Variants in GULP1 observed in about 807,000 individuals in gnomAD.
GULP1 encodes the protein PTB domain-containing engulfment adapter protein 1.
Under a neutral mutation model 40.9 loss-of-function variants are expected in GULP1, and 19 were observed. The ratio of observed to expected loss-of-function variants is 0.46; its 90% CI spans 0.32 to 0.68. The LOEUF (loss-of-function observed/expected upper bound fraction) is 0.68, where lower values mean the gene tolerates loss of function less well. Ranked by LOEUF, GULP1 falls within the 30% of genes least tolerant of loss-of-function variation. The pLI is 0.03. For synonymous variants in GULP1, 119 were observed against 117.6 expected (o/e 1.01, Z -0.08); for missense variants, 312 against 362.2 (o/e 0.86, Z 1.12).
intron 11 of GULP1, chr2:188,590,925 T>G (rs1199199414): frequency 6.6e-6 from 1 of 152,120 alleles, no homozygotes; most frequent in Non-Finnish European, 1.5e-5. Context: ...TCAGAAGTAA[T>G]CAACATTTTA....
intron 2 of GULP1, among the ~76,000 whole-genome samples, chr2:188,426,341 G>A (rs2056194129): frequency 6.6e-6 from 1 of 152,124 alleles, no homozygotes; most frequent in African/African-American, 2.4e-5. Flanking sequence ...TTATTATGTA[G>A]ATGAAGCTTC....
At chr2:188,590,355 A>T (rs552509947) in intron 11 of GULP1, 58 of 152,316 alleles carry the variant, frequency 3.8e-4, no homozygotes, top group African/African-American at 1.4e-3. Context: ...TCTAAAGTCT[A>T]TGATGGCTTT....
At chr2:188,390,912 A>AGATCAGTT (rs2050430976) in intron 2 of GULP1, among the ~76,000 whole-genome samples, 1 of 152,096 alleles carries the variant, frequency 6.6e-6, no homozygotes, top group African/African-American at 2.4e-5. Flanking sequence ...GCTTTGTCAA[A>AGATCAGTT]GATCAGTTGG....
intron 1 of GULP1, among the ~76,000 whole-genome samples, chr2:188,343,940 G>A (rs1384101412): frequency 6.6e-6 from 1 of 152,014 alleles, no homozygotes; most frequent in African/African-American, 2.4e-5. Context: ...ATAGCAAATA[G>A]CTGGGACTGT....
intron 6 of GULP1, among the ~76,000 whole-genome samples, chr2:188,533,277 A>G (rs190824663): frequency 8.3e-4 from 127 of 152,300 alleles, no homozygotes; most frequent in Admixed American, 2.2e-3. Flanking sequence ...GGGCTTAGAA[A>G]AAGTCTGTGG....
At chr2:188,369,997 C>T (rs1010322779) in intron 1 of GULP1, among the ~76,000 whole-genome samples, 4 of 152,138 alleles carry the variant, frequency 2.6e-5, no homozygotes, top group Admixed American at 2.6e-4. Context: ...TGTGTGCCAA[C>T]ACACCTGGTT....
At chr2:188,526,124 G>A (rs1376220704) in intron 5 of GULP1, among the ~76,000 whole-genome samples, 1 of 152,012 alleles carries the variant, frequency 6.6e-6, no homozygotes, top group Non-Finnish European at 1.5e-5. Context: ...ACTCAGTTGT[G>A]CTCCCTTTAA....
At chr2:188,434,376 T>A (rs1360933267) in intron 2 of GULP1, among the ~76,000 whole-genome samples, 1 of 151,792 alleles carries the variant, frequency 6.6e-6, no homozygotes, top group Admixed American at 6.6e-5. Context: ...AGAATATGTC[T>A]CCTTCTTGGT....
At chr2:188,449,338 A>AT (rs2058650238) in intron 2 of GULP1, among the ~76,000 whole-genome samples, 1 of 151,828 alleles carries the variant, frequency 6.6e-6, no homozygotes, top group African/African-American at 2.4e-5. Flanking sequence ...CTGTTTTACT[A>AT]TTTTTTCTTG....
At chr2:188,539,859 T>A (rs1269041602) in intron 6 of GULP1, among the ~76,000 whole-genome samples, 2 of 152,136 alleles carry the variant, frequency 1.3e-5, no homozygotes, top group Non-Finnish European at 2.9e-5. Context: ...GAAGTTTAAA[T>A]GTTTTCATAT....
At chr2:188,402,108 A>G (rs916336602) in intron 2 of GULP1, among the ~76,000 whole-genome samples, 1 of 152,138 alleles carries the variant, frequency 6.6e-6, no homozygotes, top group African/African-American at 2.4e-5. Flanking sequence ...AATGGATGAT[A>G]TGATGATGCG....
chr2:188,353,078 T>C (rs571017439), intron 1 of GULP1, among the ~76,000 whole-genome samples: 1 of 152,078 alleles, frequency 6.6e-6, no homozygotes, highest in South Asian at 2.1e-4. Flanking sequence ...CATGGGATAA[T>C]AAATAAGTAG....
intron 2 of GULP1, among the ~76,000 whole-genome samples, chr2:188,475,537 ATCT>A (rs2060942238): frequency 6.6e-6 from 1 of 151,910 alleles, no homozygotes; most frequent in Non-Finnish European, 1.5e-5. Flanking sequence ...ATATTTCACA[ATCT>A]TCTTTTGTTG....
chr2:188,412,536 A>G (rs1350635228), intron 2 of GULP1, among the ~76,000 whole-genome samples: 3 of 152,082 alleles, frequency 2.0e-5, no homozygotes, highest in African/African-American at 7.2e-5. Flanking sequence ...TTTCCCTCCC[A>G]TAACACCTGG....
intron 1 of GULP1, among the ~76,000 whole-genome samples, chr2:188,306,578 A>G (rs2037137729): frequency 6.6e-6 from 1 of 152,260 alleles, no homozygotes; most frequent in Non-Finnish European, 1.5e-5. Context: ...GCAGGAGGAG[A>G]GAATGTATGG....
intron 10 of GULP1, among the ~76,000 whole-genome samples, chr2:188,585,772 T>G (rs553829268): frequency 1.0e-3 from 152 of 152,334 alleles, no homozygotes; most frequent in African/African-American, 3.3e-3. Context: ...CTGCCGCAGA[T>G]GTCTGACATG....
intron 11 of GULP1, chr2:188,589,503 A>G: frequency 3.0e-6 from 1 of 328,340 alleles, no homozygotes; most frequent in Non-Finnish European, 5.5e-6. Context: ...TGCACAGGTC[A>G]TACAGAGTAC....
At chr2:188,372,675 T>C (rs1234971399) in intron 1 of GULP1, among the ~76,000 whole-genome samples, 1 of 152,048 alleles carries the variant, frequency 6.6e-6, no homozygotes, top group African/African-American at 2.4e-5. Context: ...CATATCTAAT[T>C]GTTAAATGAA....
intron 1 of GULP1, among the ~76,000 whole-genome samples, chr2:188,321,202 A>G (rs1369197365): frequency 2.0e-5 from 3 of 152,166 alleles, no homozygotes; most frequent in African/African-American, 7.2e-5. Context: ...TGAATGCGAA[A>G]TTCAAGCATT....
Sources: allele counts gnomAD v4.1 joint callset (sites outside exome capture counted in the v4.1 genomes callset), GRCh38; gene constraint gnomAD v4.1.1; transcripts MANE v1.5; gene names NCBI Gene and HGNC (gene_info 2026-07-23, HGNC 2026-07-21).